The following NIPSNAP1 variants were observed in gnomAD, a reference collection of about 807,000 sequenced individuals.
NIPSNAP1 encodes the protein protein NipSnap homolog 1.
A neutral mutation model predicts 49.2 loss-of-function variants in NIPSNAP1; 25 were observed. The ratio of observed to expected loss-of-function variants is 0.51; its 90% confidence interval spans 0.37 to 0.71. The LOEUF is 0.71. Among genes scored for constraint, NIPSNAP1 ranks in the 30% least tolerant of loss-of-function variants. NIPSNAP1 has a pLI of 0.00. For synonymous variants in NIPSNAP1, 143 were observed against 140.7 expected (o/e 1.02, Z -0.12); for missense variants, 294 against 361.0 (o/e 0.81, Z 1.50).
At chr22:29,580,401 A>C (rs1383895677) in intron 1 of NIPSNAP1, 2 of 407,252 alleles carry the variant, frequency 4.9e-6, no homozygotes, top group Non-Finnish European at 6.6e-6. Flanking sequence ...GGAGGCCACC[A>C]GTTGGGTGCA....
chr22:29,570,330 A>G lies in NIPSNAP1; in HGVS notation c.226+75T>C. The G allele has an allele frequency of 3.7e-6, 6 of 1,611,774 alleles. 1 individual carries two copies. The highest frequency in any genetic ancestry group is 3.3e-5 in the South Asian group (3 of 91,002). ...AGCTGAGGACATTCCAGACCCTCCC[A>G]TCTCCTTCCTGGAGCCTCACAGGCC... On this transcript the variant is annotated intron_variant, in intron 2 of 9. Coordinates refer to ENST00000216121, the MANE Select transcript of NIPSNAP1 (RefSeq NM_003634.4).
intron 1 of NIPSNAP1, among the ~76,000 whole-genome samples, chr22:29,577,130 C>A (rs762056026): frequency 6.6e-6 from 1 of 150,906 alleles, no homozygotes; most frequent in Admixed American, 6.6e-5. Flanking sequence ...ACTCTGTCAC[C>A]CAGGCTGGAG....
At chr22:29,580,268 G>T in intron 1 of NIPSNAP1, 1 of 1,269,124 alleles carries the variant, frequency 7.9e-7, no homozygotes. Context: ...AGGGCTGTGG[G>T]GACCAAGGAG....
chr22:29,561,995 T>C, intron 4 of NIPSNAP1, 133 bp from the exon 5 acceptor site: 1 of 721,652 alleles, frequency 1.4e-6, no homozygotes, highest in Non-Finnish European at 2.4e-6. Flanking sequence ...ACTCCCTGAG[T>C]TCCCTCTGCC....
rs547541736 is a variant in NIPSNAP1, at chr22:29,563,394, A to G, written c.368-1532T>C. Among the ~76,000 whole-genome samples the G allele has an allele frequency of 2.6e-5, 4 of 151,164 alleles. No individual in the cohort carries two copies. In the East Asian group the frequency reaches 7.9e-4, roughly 30 times the overall value. ...AAACAAAAATTAGCTGGGCGTGGTGATGCACATCTGTAATCCTAGCTACTC... is the reference window on the plus strand; with the variant it reads ...AAACAAAAATTAGCTGGGCGTGGTGGTGCACATCTGTAATCCTAGCTACTC... On this transcript the variant is annotated intron_variant, in intron 4 of 9. Transcript: ENST00000216121.
intron 4 of NIPSNAP1, 47 bp from the exon 5 acceptor site, chr22:29,561,909 G>C: frequency 1.3e-6 from 2 of 1,590,588 alleles, no homozygotes; most frequent in Non-Finnish European, 1.7e-6. Context: ...GGGACCCCCA[G>C]CAGATGACCT....
intron 1 of NIPSNAP1, among the ~76,000 whole-genome samples, chr22:29,577,978 A>C (rs2064467537): frequency 6.8e-6 from 1 of 147,840 alleles, no homozygotes; most frequent in South Asian, 2.1e-4. Context: ...AGCTCACTGC[A>C]ACCTCCACCT....
rs778084565 is a variant in NIPSNAP1 at position 29,558,872 on chromosome 22, G to C, written c.788C>G (p.Thr263Arg). The C allele has an allele frequency of 6.2e-7, 1 of 1,612,068 alleles. No homozygotes were observed. Among genetic ancestry groups the C allele is most frequent in the Non-Finnish European group, 8.5e-7 (1 of 1,178,142 alleles). ...KRGWDENVYY[T>R]VPLVRHMESR... ...AGACCTCCAAAGGCTTCACTCACCTGTATAGTAGACATTTTCATCCCAGCC... is the reference window on the plus strand; with the variant it reads ...AGACCTCCAAAGGCTTCACTCACCTCTATAGTAGACATTTTCATCCCAGCC... Residue 263 changes from threonine to arginine, a missense_variant and splice_region_variant, in exon 9 of 10, where the codon ACA becomes AGA. Transcript: ENST00000216121.
At chr22:29,578,618 T>G (rs1601499424) in intron 1 of NIPSNAP1, among the ~76,000 whole-genome samples, 1 of 150,860 alleles carries the variant, frequency 6.6e-6, no homozygotes. Flanking sequence ...CAGGACAGAG[T>G]GTTCTCAGGT....
At position 29,561,640 on chromosome 22, in the gene NIPSNAP1, G is replaced by C. The variant is rs2064336606; in HGVS notation, c.445C>G (p.Leu149Val). The C allele has an allele frequency of 1.9e-6, 3 of 1,614,044 alleles. No individual in the cohort carries two copies. The East Asian group carries it at 6.7e-5, about 36-fold the overall frequency. The change falls in exon 6 of 10, where the codon CTG (leucine) becomes GTG (valine). Residue 149 changes from leucine to valine, a missense_variant. Leu to Val is a conservative substitution (Grantham distance 32). Around this residue, in one of 4 missense-constraint regions of NIPSNAP1, gnomAD observed 146 missense variants for 219.9 expected, o/e 0.66. Transcript: ENST00000216121. ...MNKLKNNKEY[L>V]EFRRERSQML... The stretch of plus-strand genomic sequence containing the variant: ...TGGCTCCGCTCCCTTCGGAACTCCA[G>C]GTACTCCTGTGGGCATGGTGGTAAA...
chr22:29,561,390 C>T, intron 6 of NIPSNAP1, 116 bp downstream of exon 6: 1 of 1,517,784 alleles, frequency 6.6e-7, no homozygotes, highest in Non-Finnish European at 9.1e-7. Context: ...CAACTCTGCT[C>T]TGAGCCCATA....
At chr22:29,575,561 C>A (rs2064444847) in intron 1 of NIPSNAP1, among the ~76,000 whole-genome samples, 1 of 152,184 alleles carries the variant, frequency 6.6e-6, no homozygotes, top group East Asian at 1.9e-4. Context: ...CTACCCTTGA[C>A]CTCCCCAAGC....
rs2146596254 is a variant in NIPSNAP1 at position 29,554,987 on chromosome 22, T to G, written c.*948A>C. 1 of 152,640 alleles carries G rather than the reference T, an allele frequency of 6.6e-6. No homozygotes were observed. The highest frequency in any genetic ancestry group is 2.1e-4 in the South Asian group (1 of 4,820). 9.5% of individuals were successfully genotyped at this position (152,640 alleles called of 1,614,324 possible). ...CCAGGTGGCCCTGCAGAATGAGGGT[T>G]GGGCTGATAGAATGTCAATTAGGGG... On this transcript the variant is annotated 3_prime_UTR_variant, in exon 10 of 10. Coordinates refer to ENST00000216121, the MANE Select transcript of NIPSNAP1 (RefSeq NM_003634.4).
At chr22:29,569,851 TAGC>T in intron 3 of NIPSNAP1, 1 of 413,034 alleles carries the variant, frequency 2.4e-6, no homozygotes, top group Admixed American at 3.6e-5. Context: ...TAGCCATGCT[TAGC>T]GGCGCATGCC....
chr22:29,571,646 G>A (rs1174535809), intron 1 of NIPSNAP1, among the ~76,000 whole-genome samples: 4 of 152,218 alleles, frequency 2.6e-5, no homozygotes, highest in African/African-American at 7.2e-5. Context: ...TCCCAATGGA[G>A]ACAATTCCTA....
intron 4 of NIPSNAP1, among the ~76,000 whole-genome samples, chr22:29,568,049 C>T (rs1022633965): frequency 6.8e-6 from 1 of 147,818 alleles, no homozygotes; most frequent in African/African-American, 2.5e-5. Context: ...CATGGTGGAG[C>T]GCACCTATAG....
intron 1 of NIPSNAP1, chr22:29,580,365 A>C: frequency 2.7e-6 from 2 of 740,118 alleles, no homozygotes; most frequent in Non-Finnish European, 3.3e-6. Context: ...CTGAGAGCAC[A>C]TGGCCCAGCC....
At chr22:29,580,042 AG>A in intron 1 of NIPSNAP1, 2 of 1,271,248 alleles carry the variant, frequency 1.6e-6, no homozygotes, top group Non-Finnish European at 2.1e-6. Flanking sequence ...GCTGCAGGGC[AG>A]GAGGGATGGT....
Position 29,555,818 on chromosome 22 carries a change from C to T in NIPSNAP1, c.*117G>A, listed in dbSNP as rs2064289895. 2.3e-6 allele frequency: 2 copies of T among 883,932 alleles called. No homozygotes were observed. The highest frequency in any genetic ancestry group is 1.4e-5 in the South Asian group (1 of 70,174). 54.8% of individuals were successfully genotyped at this position (883,932 alleles called of 1,614,324 possible). A position where few individuals can be genotyped will look rare whatever the true frequency, so the allele number is the denominator to read the frequency against. On this transcript the variant is annotated 3_prime_UTR_variant, in exon 10 of 10. Transcript: ENST00000216121. ...AGTTCCCCCTTGTCTGAACTGAGCA[C>T]TGCCCCTCAGAGTCCTCCCAGAGCC...
Sources: gnomAD v4.1 joint callset for allele counts (sites outside exome capture counted in the v4.1 genomes callset) on GRCh38, gnomAD v4.1.1 for gene constraint, gnomAD v4.1.1 regional missense constraint, MANE v1.5 for transcripts, NCBI Gene and HGNC (gene_info 2026-07-23, HGNC 2026-07-21) for gene names.